BCL2L14: variants seen among roughly 807,000 people sequenced by gnomAD.
BCL2L14 encodes apoptosis facilitator Bcl-2-like protein 14.
BCL2L14 carries 27 observed loss-of-function variants against 35.3 expected under a neutral mutation model. The ratio of observed to expected loss-of-function variants is 0.76; its 90% CI spans 0.56 to 1.05. The LOEUF (loss-of-function observed/expected upper bound fraction) is 1.05. Ranked by LOEUF, BCL2L14 falls within the 50% of genes least tolerant of loss-of-function variation. The pLI is 0.00. For missense variants in BCL2L14, 377 were observed against 382.6 expected (o/e 0.99, Z 0.12); for synonymous variants, 139 against 145.9 (o/e 0.95, Z 0.34).
intron 1 of BCL2L14, among the ~76,000 whole-genome samples, chr12:12,050,565 T>G (rs1948337305): frequency 1.3e-5 from 2 of 151,692 alleles, no homozygotes; most frequent in Non-Finnish European, 2.9e-5. Context: ...CAGAAAGGTT[T>G]TAGCCAGAAG....
chr12:12,058,055 C>A (rs1224432944), intron 2 of BCL2L14, among the ~76,000 whole-genome samples: 1 of 149,104 alleles, frequency 6.7e-6, no homozygotes, highest in Non-Finnish European at 1.5e-5. Flanking sequence ...TCAAGCAATT[C>A]TTTTGCCTCG....
intron 3 of BCL2L14, among the ~76,000 whole-genome samples, chr12:12,087,862 G>C (rs1591831176): frequency 6.6e-6 from 1 of 152,210 alleles, no homozygotes; most frequent in African/African-American, 2.4e-5. Flanking sequence ...TAGTGACAAG[G>C]CTGGGTCAGT....
rs368570177 is a variant in BCL2L14 at position 12,060,887 on chromosome 12, G to C, written c.-272+9040G>C. On this transcript the variant is annotated intron_variant, in intron 2 of 3. Transcript: ENST00000461264. ...GCTGCCCGATAGCTTCGGAAGTCCC[G>C]TAGACCATCACAGATGCCGAGCTTT... is the stretch of plus-strand genomic sequence containing the variant. 1.1e-3 allele frequency among the ~76,000 whole-genome samples: 83 copies of C among 75,196 alleles called. 2 individuals carry two copies. Among genetic ancestry groups the C allele is most frequent in the South Asian group, 4.3e-3 (7 of 1,640 alleles). 49.3% of individuals were successfully genotyped at this position (75,196 alleles called of 152,430 possible). A position where few individuals can be genotyped will look rare whatever the true frequency, so the allele number is the denominator to read the frequency against.
chr12:12,079,701 G>C lies in BCL2L14; in HGVS notation c.396G>C (p.Arg132Ser), dbSNP rs767369919. The C allele has an allele frequency of 3.7e-6, 6 of 1,614,084 alleles. No homozygotes were observed. Among genetic ancestry groups the C allele is most frequent in the Non-Finnish European group, 4.2e-6 (5 of 1,180,050 alleles). The change falls in exon 2 of 6, where the codon AGG (arginine) becomes AGC (serine). Residue 132 changes from arginine to serine, a missense_variant. Coordinates refer to ENST00000308721, the MANE Select transcript of BCL2L14 (RefSeq NM_138723.2). ...ATTCGCACAGCCAGCAGTGGTCCAG[G>C]TGTCTTTCTAACGTGGAGCAGTGCT... ...YQDSHSQQWSRCLSNVEQCLE... is the reference protein window; with the variant it reads ...YQDSHSQQWSSCLSNVEQCLE...
Position 12,088,255 on chromosome 12 carries a change from C to T in BCL2L14, c.607+869C>T, listed in dbSNP as rs1020051220. On this transcript the variant is annotated intron_variant, in intron 3 of 5. Transcript: ENST00000308721. ...ACTTCTGGCCTGCGACAGAGTGCAC[C>T]GGATTTTATAGACAGGTTTGAGGAG... Among the ~76,000 whole-genome samples the T allele has an allele frequency of 6.6e-5, 10 of 152,202 alleles. No homozygotes were observed. The East Asian group carries it at 1.3e-3, about 21-fold the overall frequency.
intron 5 of BCL2L14, among the ~76,000 whole-genome samples, chr12:12,097,161 TA>T (rs1006741800): frequency 1.3e-5 from 2 of 151,454 alleles, no homozygotes; most frequent in Non-Finnish European, 2.9e-5. Context: ...TAAAAAAAAT[TA>T]AAAAAAATAA....
intron 2 of BCL2L14, among the ~76,000 whole-genome samples, chr12:12,058,336 C>T (rs972378293): frequency 6.6e-5 from 10 of 151,818 alleles, no homozygotes; most frequent in South Asian, 2.1e-4. Context: ...CTGCAACCTC[C>T]GCTTCCCGGG....
chr12:12,057,378 G>A (rs1402731494), intron 2 of BCL2L14, among the ~76,000 whole-genome samples: 3 of 152,076 alleles, frequency 2.0e-5, no homozygotes, highest in African/African-American at 7.2e-5. Context: ...CCATTGAAAG[G>A]ATATCCAGTA....
At chr12:12,054,353 A>C (rs1948399596) in intron 2 of BCL2L14, among the ~76,000 whole-genome samples, 1 of 151,810 alleles carries the variant, frequency 6.6e-6, no homozygotes, top group Non-Finnish European at 1.5e-5. Flanking sequence ...AAATACAAAA[A>C]ATTAGCCAGG....
chr12:12,092,445 C>A (rs1426579507), intron 4 of BCL2L14, among the ~76,000 whole-genome samples: 1 of 152,148 alleles, frequency 6.6e-6, no homozygotes, highest in African/African-American at 2.4e-5. Context: ...GTGCCAAGCT[C>A]CCACTGCAGA....
chr12:12,079,807 T>A, intron 2 of BCL2L14, 69 bp downstream of exon 2: 1 of 1,477,576 alleles, frequency 6.8e-7, no homozygotes, highest in South Asian at 1.3e-5. Flanking sequence ...GAGTGGTACA[T>A]CTCTTCTCAT....
chr12:12,065,887 G>A (rs1948588214), intron 2 of BCL2L14, among the ~76,000 whole-genome samples: 2 of 151,952 alleles, frequency 1.3e-5, no homozygotes, highest in Non-Finnish European at 2.9e-5. Context: ...TGCCACCCAG[G>A]TTCAAGCGTT....
chr12:12,050,327 GGA>G (rs1289424655), intron 1 of BCL2L14, among the ~76,000 whole-genome samples: 4 of 151,832 alleles, frequency 2.6e-5, no homozygotes, highest in Admixed American at 6.6e-5. Context: ...CAGCTACTCG[GGA>G]GGCTGAGGCA....
intron 1 of BCL2L14, chr12:12,072,488 G>C (rs1948689100): frequency 6.6e-6 from 1 of 152,310 alleles, no homozygotes; most frequent in African/African-American, 2.4e-5. Flanking sequence ...TGAGAGTGCA[G>C]GTTTGTTACA....
upstream of BCL2L14, among the ~76,000 whole-genome samples, chr12:12,069,081 T>C (rs1591811962): frequency 3.9e-5 from 6 of 152,178 alleles, no homozygotes; most frequent in South Asian, 1.2e-3. Flanking sequence ...TGCATTATCA[T>C]TGGCATATAA....
chr12:12,077,100 A>AAT (rs1039448485), intron 1 of BCL2L14, among the ~76,000 whole-genome samples: 52 of 152,280 alleles, frequency 3.4e-4, no homozygotes, highest in African/African-American at 1.2e-3. Context: ...TGGTATGACA[A>AAT]GGTACAGTGG....
At chr12:12,080,512 C>T (rs964070152) in intron 2 of BCL2L14, among the ~76,000 whole-genome samples, 35 of 151,026 alleles carry the variant, frequency 2.3e-4, no homozygotes, top group Non-Finnish European at 4.4e-4. Context: ...CCCAGCTACT[C>T]GGGAGGCTGG....
upstream of BCL2L14, among the ~76,000 whole-genome samples, chr12:12,069,125 C>T (rs1284220382): frequency 1.3e-5 from 2 of 152,106 alleles, no homozygotes; most frequent in African/African-American, 4.8e-5. Context: ...TTGCTTTCAT[C>T]GCATCTTGGT....
chr12:12,061,284 T>G lies in BCL2L14; in HGVS notation c.-272+9437T>G, dbSNP rs1241228147. ...ATCTCCCCACCTTAACCCACAAGTA[T>G]AAGATACCTCTACTCCCTCCTTGGC... On this transcript the variant is annotated intron_variant, in intron 2 of 3. Coordinates refer to the BCL2L14 transcript ENST00000461264. 1.3e-5 allele frequency among the ~76,000 whole-genome samples: 2 copies of G among 151,772 alleles called. 1 individual carries two copies. The highest frequency in any genetic ancestry group is 4.2e-4 in the South Asian group (2 of 4,774).
Sources: gnomAD v4.1 joint callset for allele counts (sites outside exome capture counted in the v4.1 genomes callset) on GRCh38, gnomAD v4.1.1 for gene constraint, MANE v1.5 for transcripts, NCBI Gene and HGNC (gene_info 2026-07-23, HGNC 2026-07-21) for gene names.